CNTNAP4: variants seen among roughly 807,000 people sequenced by gnomAD.
CNTNAP4 encodes contactin associated protein family member 4.
In CNTNAP4, 98 loss-of-function variants were observed where a neutral mutation model predicts 148.4. The ratio of observed to expected loss-of-function variants is 0.66; its 90% CI spans 0.56 to 0.78. The LOEUF (loss-of-function observed/expected upper bound fraction) is 0.78. Ranked by LOEUF, CNTNAP4 falls within the 30% of genes least tolerant of loss-of-function variation. The probability of loss-of-function intolerance (pLI) is 0.00; values close to 1 mark genes in which losing one functional copy is unlikely to be tolerated. For missense variants in CNTNAP4, 1,935 were observed against 1,565.6 expected (o/e 1.24, Z -3.98); for synonymous variants, 730 against 565.1 (o/e 1.29, Z -4.14).
chr16:76,395,879 C>T (rs1159581999), intron 3 of CNTNAP4, among the ~76,000 whole-genome samples: 1 of 151,882 alleles, frequency 6.6e-6, no homozygotes, highest in Non-Finnish European at 1.5e-5. Flanking sequence ...CAGGTGTGTC[C>T]CACAATGGCC....
intron 1 of CNTNAP4, among the ~76,000 whole-genome samples, chr16:76,315,110 A>G (rs1961568351): frequency 1.3e-5 from 2 of 152,120 alleles, no homozygotes; most frequent in South Asian, 4.2e-4. Flanking sequence ...CGTGTATTAT[A>G]CTGTTGTGAA....
rs1374716306 is a variant in CNTNAP4 at position 76,540,779 on chromosome 16, G to A, written c.3431G>A (p.Gly1144Asp). The change falls in exon 21 of 24, where the codon GGC becomes GAC. Residue 1144 changes from glycine (G) to aspartate (D), a missense_variant. Physicochemically the swap from Gly to Asp is moderately conservative, Grantham distance 94. Coordinates refer to ENST00000611870, the MANE Select transcript of CNTNAP4 (RefSeq NM_033401.5). ...EFSAVKSLVLGRILEHSDVDQ... is the reference protein window; with the variant it reads ...EFSAVKSLVLDRILEHSDVDQ... Reference sequence around the variant, plus strand: ...AGTGCAGTCAAATCTCTGGTATTGGGCAGGATTTTAGGTAAGTGAAAGAAA... The same window carrying A: ...AGTGCAGTCAAATCTCTGGTATTGGACAGGATTTTAGGTAAGTGAAAGAAA... 2 of 1,564,938 alleles carry A rather than the reference G, an allele frequency of 1.3e-6. No homozygotes were observed. The highest frequency in any genetic ancestry group is 1.4e-5 in the African/African-American group (1 of 73,860).
intron 7 of CNTNAP4, 118 bp from the exon 8 acceptor site, chr16:76,452,390 A>C (rs1481409685): frequency 1.1e-6 from 1 of 944,492 alleles, no homozygotes; most frequent in African/African-American, 1.6e-5. Flanking sequence ...TGTCATGTTG[A>C]TAGCAGGCAG....
At chr16:76,305,122 T>G (rs996260725) in intron 1 of CNTNAP4, among the ~76,000 whole-genome samples, 1 of 152,220 alleles carries the variant, frequency 6.6e-6, no homozygotes, top group African/African-American at 2.4e-5. Flanking sequence ...ATATGTAAAT[T>G]GCACGTTTAG....
intron 3 of CNTNAP4, among the ~76,000 whole-genome samples, chr16:76,422,051 T>C (rs2079208953): frequency 6.6e-6 from 1 of 152,224 alleles, no homozygotes; most frequent in African/African-American, 2.4e-5. Flanking sequence ...ATTATGCCTC[T>C]TCATAAACTT....
At chr16:76,493,195 T>C (rs552388193) in intron 13 of CNTNAP4, among the ~76,000 whole-genome samples, 1 of 152,170 alleles carries the variant, frequency 6.6e-6, no homozygotes, top group Non-Finnish European at 1.5e-5. Flanking sequence ...GAACAGGAAG[T>C]TGTTTTCAGA....
intron 13 of CNTNAP4, 70 bp from the exon 14 acceptor site, chr16:76,494,840 A>G: frequency 7.0e-7 from 1 of 1,419,560 alleles, no homozygotes; most frequent in Non-Finnish European, 9.6e-7. Flanking sequence ...TTGGAAGAAA[A>G]GGAATTATAT....
At chr16:76,341,256 C>T (rs1472165186) in intron 2 of CNTNAP4, among the ~76,000 whole-genome samples, 1 of 152,128 alleles carries the variant, frequency 6.6e-6, no homozygotes, top group East Asian at 1.9e-4. Context: ...CCTGTCCTTC[C>T]ACCTAGCACA....
At chr16:76,452,414 C>A in intron 7 of CNTNAP4, 94 bp from the exon 8 acceptor site, 2 of 1,269,902 alleles carry the variant, frequency 1.6e-6, no homozygotes, top group South Asian at 1.3e-5. Context: ...TTTTAAATCG[C>A]GGATAATGTG....
intron 4 of CNTNAP4, among the ~76,000 whole-genome samples, chr16:76,439,215 T>A (rs181160226): frequency 5.7e-4 from 87 of 152,102 alleles, no homozygotes; most frequent in African/African-American, 2.0e-3. Context: ...TTAAAAAAAA[T>A]CTGATTATCC....
At chr16:76,508,813 C>A (rs561974339) in intron 15 of CNTNAP4, among the ~76,000 whole-genome samples, 1 of 83,606 alleles carries the variant, frequency 1.2e-5, no homozygotes, top group East Asian at 6.5e-4. Context: ...AGTGCAGTGG[C>A]ACGATCTCGG....
At chr16:76,333,779 GTTTTT>G (rs549878036) in intron 2 of CNTNAP4, among the ~76,000 whole-genome samples, 3 of 45,606 alleles carry the variant, frequency 6.6e-5, no homozygotes, top group African/African-American at 1.5e-4. Flanking sequence ...TGGGTTATAG[GTTTTT>G]TTTTTTTTTT....
Position 76,414,717 on chromosome 16 carries a change from G to A in CNTNAP4, c.391-12735G>A, listed in dbSNP as rs570712809. 4.0e-5 allele frequency among the ~76,000 whole-genome samples: 6 copies of A among 151,264 alleles called. No homozygotes were observed. The South Asian group carries it at 1.2e-3, about 31-fold the overall frequency. Reference sequence around the variant, plus strand: ...TAATCTAACAGATGTGGGCAGTTCAGGTTTTCCTGTTCTCATCTGTTTTGG... The same window carrying A: ...TAATCTAACAGATGTGGGCAGTTCAAGTTTTCCTGTTCTCATCTGTTTTGG... On this transcript the variant is annotated intron_variant, in intron 3 of 23. Coordinates refer to ENST00000611870, the MANE Select transcript of CNTNAP4 (RefSeq NM_033401.5).
intron 17 of CNTNAP4, 92 bp from the exon 18 acceptor site, chr16:76,535,453 C>A: frequency 7.4e-7 from 1 of 1,352,988 alleles, no homozygotes; most frequent in Non-Finnish European, 1.0e-6. Context: ...ATTTTTTTTG[C>A]CGTTCTCTGT....
chr16:76,535,605 G>A lies in CNTNAP4; in HGVS notation c.2816G>A (p.Gly939Glu). The A allele has an allele frequency of 1.2e-6, 2 of 1,613,390 alleles. No individual in the cohort carries two copies. The highest frequency in any genetic ancestry group is 1.7e-6 in the Non-Finnish European group (2 of 1,180,018). ...TGCATTCGGTCTCTGCAGTTGAATG[G>A]GATGACCCTGGATTTGGAAGAAAGA... is the stretch of plus-strand genomic sequence containing the variant. ...LGCIRSLQLNGMTLDLEERAQ... is the reference protein window; with the variant it reads ...LGCIRSLQLNEMTLDLEERAQ... Residue 939 changes from glycine to glutamate, a missense_variant, in exon 18 of 24, where the codon GGG (glycine) becomes GAG (glutamate). Transcript: ENST00000611870.
At chr16:76,554,550 AT>A (rs1320394863) in intron 23 of CNTNAP4, among the ~76,000 whole-genome samples, 2 of 150,720 alleles carry the variant, frequency 1.3e-5, no homozygotes, top group Admixed American at 6.6e-5. Context: ...ATTCTCTGAT[AT>A]TTTTTTTCAA....
At chr16:76,427,378 T>C in intron 3 of CNTNAP4, 74 bp from the exon 4 acceptor site, 1 of 1,314,166 alleles carries the variant, frequency 7.6e-7, no homozygotes, top group South Asian at 1.5e-5. Flanking sequence ...ACATTGCTAA[T>C]AGACATTATA....
intron 4 of CNTNAP4, among the ~76,000 whole-genome samples, chr16:76,440,674 G>C (rs1018774189): frequency 6.6e-6 from 1 of 152,094 alleles, no homozygotes; most frequent in African/African-American, 2.4e-5. Context: ...TCCTGTTCCA[G>C]GTTAGAATTC....
At chr16:76,517,618 G>GA (rs2083297955) in intron 15 of CNTNAP4, among the ~76,000 whole-genome samples, 1 of 152,134 alleles carries the variant, frequency 6.6e-6, no homozygotes, top group African/African-American at 2.4e-5. Flanking sequence ...GTATTACCTT[G>GA]AAAAACAATG....
Sources: gnomAD v4.1 joint callset for allele counts (sites outside exome capture counted in the v4.1 genomes callset) on GRCh38, gnomAD v4.1.1 for gene constraint, MANE v1.5 for transcripts, NCBI Gene and HGNC (gene_info 2026-07-23, HGNC 2026-07-21) for gene names.